MICA: variants seen among roughly 807,000 people sequenced by gnomAD.
The protein encoded by MICA is MHC class I polypeptide-related sequence A.
Under a neutral mutation model 34.3 loss-of-function variants are expected in MICA, and 18 were observed. That is an observed-to-expected ratio of 0.52 (90% CI 0.36 to 0.78). The LOEUF (loss-of-function observed/expected upper bound fraction) is 0.78. Ranked by LOEUF, MICA falls within the 30% of genes least tolerant of loss-of-function variation. The pLI is 0.00. For missense variants in MICA, 333 were observed against 409.4 expected, an observed-to-expected ratio of 0.81 and a Z score of 1.61; for synonymous variants, 135 against 156.9, an observed-to-expected ratio of 0.86 and a Z score of 1.04.
chr6:31,402,490 C>T (rs948337871), upstream of MICA, among the ~76,000 whole-genome samples: 12 of 151,836 alleles, frequency 7.9e-5, 1 homozygote, highest in African/African-American at 2.9e-4. Flanking sequence ...TCATGTGTGA[C>T]ATTCAGCAGA....
At chr6:31,408,801 C>T (rs183491047) in intron 1 of MICA, among the ~76,000 whole-genome samples, 151 of 151,404 alleles carry the variant, frequency 1.0e-3, no homozygotes, top group African/African-American at 3.5e-3. Flanking sequence ...TTTCGGAGTT[C>T]GAAACCAGCC....
At chr6:31,403,591 G>A, upstream of MICA, 2 of 1,450,374 alleles carry the variant, frequency 1.4e-6, no homozygotes, top group East Asian at 5.8e-5. This position sits in a 1 kb window ranked among gnomAD's most constrained non-coding sequence, Gnocchi z 4.7. Context: ...CCTTCTCCCC[G>A]GCCACTGCTT....
intron 5 of MICA, among the ~76,000 whole-genome samples, chr6:31,412,955 C>T (rs6933779): frequency 0.25 from 36,916 of 150,166 alleles, 5,228 homozygotes; most frequent in African/African-American, 0.35. Context: ...CTCCAGCCAT[C>T]GGGGCGGACA....
Position 31,411,855 on chromosome 6 carries a change from C to T in MICA, c.614-92C>T. The T allele has an allele frequency of 1.3e-6, 2 of 1,507,872 alleles. No homozygotes were observed. Among genetic ancestry groups the T allele is most frequent in the African/African-American group, 1.4e-5 (1 of 71,384 alleles). The allele number at this position is 1,507,872 out of a possible 1,614,324, so 93.4% of individuals were successfully genotyped here. A position where few individuals can be genotyped will look rare whatever the true frequency, so the allele number is the denominator to read the frequency against. Reference sequence around the variant, plus strand: ...GGTCAGGGGTCCCGGAGGGCTTCAGCCAGAGTGAGAACAGTGAAGAGAAAC... The same window carrying T: ...GGTCAGGGGTCCCGGAGGGCTTCAGTCAGAGTGAGAACAGTGAAGAGAAAC... On this transcript the variant is annotated intron_variant, in intron 3 of 5. Coordinates refer to ENST00000449934, the MANE Select transcript of MICA (RefSeq NM_001177519.3). The surrounding 1 kb of genome is among the most constrained non-coding windows in gnomAD (Gnocchi z 4.3).
At chr6:31,414,580 G>A (rs1279334192) in intron 5 of MICA, among the ~76,000 whole-genome samples, 1 of 152,036 alleles carries the variant, frequency 6.6e-6, no homozygotes, top group African/African-American at 2.4e-5. Context: ...GCTGCAGATA[G>A]AGGGCAGAGC....
intron 2 of MICA, 84 bp downstream of exon 2, chr6:31,410,881 A>G (rs17200256): frequency 6.7e-7 from 1 of 1,493,940 alleles, no homozygotes; most frequent in South Asian, 1.3e-5. Context: ...GTCTCTTCCC[A>G]CTGGATCTGG....
At chr6:31,403,334 T>C (rs1181356372), upstream of MICA, among the ~76,000 whole-genome samples, 2 of 151,786 alleles carry the variant, frequency 1.3e-5, no homozygotes, top group East Asian at 3.9e-4. This position sits in a 1 kb window ranked among gnomAD's most constrained non-coding sequence, Gnocchi z 4.7. Context: ...GCCGTGCTTA[T>C]GAAGTTGGAG....
Position 31,411,590 on chromosome 6 carries a change from C to T in MICA, c.613+231C>T, listed in dbSNP as rs1024813108. Among the ~76,000 whole-genome samples the T allele has an allele frequency of 2.0e-5, 3 of 151,848 alleles. No individual in the cohort carries two copies. The highest frequency in any genetic ancestry group is 4.4e-5 in the Non-Finnish European group (3 of 68,026). On this transcript the variant is annotated intron_variant, in intron 3 of 5. Coordinates refer to ENST00000449934, the MANE Select transcript of MICA (RefSeq NM_001177519.3). This position sits in a 1 kb window ranked among gnomAD's most constrained non-coding sequence, Gnocchi z 4.3. ...CAAGTAGAGGACCCTCCGACAGAAT[C>T]CTGAGCCTGTGGTGGGTGTCAGGCA...
upstream of MICA, chr6:31,400,761 C>A (rs542886677): frequency 3.7e-4 from 57 of 152,268 alleles, no homozygotes; most frequent in Middle Eastern, 4.7e-3. Flanking sequence ...CGCCTCTGTG[C>A]TCGTGAGTGC....
chr6:31,410,646 C>T lies in MICA; in HGVS notation c.174C>T (p.Arg58=), dbSNP rs1771062878. The stretch of plus-strand genomic sequence containing the variant: ...ATCTGGATGGTCAGCCCTTCCTGCG[C>T]TATGACAGGCAGAAATGCAGGGCAA... The part of the protein sequence containing the change: ...EVHLDGQPFL[R]YDRQKCRAKP... The change falls in exon 2 of 6, where the codon CGC becomes CGT. Residue 58 remains arginine (R), a synonymous_variant. Transcript: ENST00000449934. 2 of 1,613,426 alleles carry T rather than the reference C, an allele frequency of 1.2e-6. No individual in the cohort carries two copies. The highest frequency in any genetic ancestry group is 2.2e-5 in the East Asian group (1 of 44,840).
At chr6:31,401,273 T>G (rs1770414349), upstream of MICA, among the ~76,000 whole-genome samples, 1 of 151,800 alleles carries the variant, frequency 6.6e-6, no homozygotes, top group Admixed American at 6.6e-5. Flanking sequence ...CTGTGCTCAA[T>G]AAATTATGAG....
intron 4 of MICA, 27 bp from the exon 5 acceptor site, chr6:31,412,298 A>G (rs1483306788): frequency 7.5e-6 from 12 of 1,598,638 alleles, no homozygotes; most frequent in Admixed American, 5.3e-5. Context: ...CTCTCTGCCC[A>G]GTGTATAACA....
intron 1 of MICA, among the ~76,000 whole-genome samples, chr6:31,409,023 C>CAAT (rs140180279): frequency 0.063 from 9,381 of 147,940 alleles, 513 homozygotes; most frequent in Admixed American, 0.13. Flanking sequence ...AAAAATAAAA[C>CAAT]AATAATAATA....
intron 1 of MICA, among the ~76,000 whole-genome samples, chr6:31,407,584 T>C (rs1408586491): frequency 6.6e-6 from 1 of 152,024 alleles, no homozygotes; most frequent in African/African-American, 2.4e-5. Flanking sequence ...ACTTCTTCAG[T>C]TAGGTTTATT....
At chr6:31,412,599 G>C in intron 5 of MICA, 139 bp downstream of exon 5, 1 of 582,110 alleles carries the variant, frequency 1.7e-6, no homozygotes, top group Non-Finnish European at 3.0e-6. Flanking sequence ...TTTGGGAAGG[G>C]AATGGGGGCA....
Position 31,411,320 on chromosome 6 carries a change from C to T in MICA, c.574C>T (p.Arg192Trp), listed in dbSNP as rs757679954. ...GCATGCAGACTGCCTGCAGGAACTA[C>T]GGCGATATCTAGAATCCGGCGTAGT... ...AMHADCLQEL[R>W]RYLESGVVLR... Residue 192 changes from arginine to tryptophan, a missense_variant, in exon 3 of 6, where the codon CGG becomes TGG. Transcript: ENST00000449934. This position sits in a 1 kb window ranked among gnomAD's most constrained non-coding sequence, Gnocchi z 4.3. 9.4e-6 allele frequency: 15 copies of T among 1,594,622 alleles called. No homozygotes were observed. The East Asian group carries it at 1.4e-4, about 15-fold the overall frequency.
chr6:31,403,489 C>A, upstream of MICA: 1 of 618,774 alleles, frequency 1.6e-6, no homozygotes, highest in Non-Finnish European at 2.6e-6. The surrounding 1 kb of genome is among the most constrained non-coding windows in gnomAD (Gnocchi z 4.7). Flanking sequence ...TGGCCCCGCC[C>A]TCTCCGCTCG....
rs17206631 is a variant in MICA, at chr6:31,410,895, A to C, written c.325+98A>C. 4.7e-6 allele frequency: 7 copies of C among 1,481,884 alleles called. No individual in the cohort carries two copies. The Admixed American group carries it at 7.2e-5, about 15-fold the overall frequency. The allele number at this position is 1,481,884 out of a possible 1,614,324, so 91.8% of individuals were successfully genotyped here. On this transcript the variant is annotated intron_variant, in intron 2 of 5. Coordinates refer to ENST00000449934, the MANE Select transcript of MICA (RefSeq NM_001177519.3). ...TGTCTCTTCCCACTGGATCTGGCTC[A>C]GGCTGGGGGTGAGGAATGGGGGTCA...
intron 1 of MICA, among the ~76,000 whole-genome samples, chr6:31,409,355 C>T (rs1462697484): frequency 7.7e-6 from 1 of 129,562 alleles, no homozygotes; most frequent in Non-Finnish European, 1.7e-5. Flanking sequence ...TAACAGCCAT[C>T]CTGATTGGTT....
Sources: gnomAD v4.1 joint callset for allele counts (sites outside exome capture counted in the v4.1 genomes callset) on GRCh38, gnomAD v4.1.1 for gene constraint, Gnocchi (gnomAD v3.1) non-coding constraint, MANE v1.5 for transcripts, NCBI Gene and HGNC (gene_info 2026-07-23, HGNC 2026-07-21) for gene names.